The following IKZF4 variants were observed in gnomAD, a reference collection of about 807,000 sequenced individuals.
IKZF4 encodes zinc finger protein Eos.
A neutral mutation model predicts 47.7 loss-of-function variants in IKZF4; 11 were observed. The ratio of observed to expected loss-of-function variants is 0.23; its 90% CI spans 0.15 to 0.38. The LOEUF is 0.38. IKZF4 is among the 10% of genes least tolerant of loss of function. The pLI, the probability that IKZF4 is intolerant of heterozygous loss-of-function variation, is 1.00. For missense variants in IKZF4, 557 were observed against 784.9 expected (o/e 0.71, Z 3.47); for synonymous variants, 298 against 299.4 (o/e 1.00, Z 0.05).
chr12:56,032,802 G>A, intron 6 of IKZF4, 92 bp downstream of exon 6: 1 of 1,373,100 alleles, frequency 7.3e-7, no homozygotes, highest in Non-Finnish European at 1.0e-6. Context: ...CACACTGAGG[G>A]ATGAAGTCTG....
upstream of IKZF4, chr12:56,020,865 G>A: frequency 1.1e-6 from 1 of 924,432 alleles, no homozygotes; most frequent in Non-Finnish European, 1.3e-6. Flanking sequence ...GAGGGAAAGA[G>A]TTCGGTGGGG....
intron 7 of IKZF4, among the ~76,000 whole-genome samples, 156 bp from the exon 8 acceptor site, chr12:56,034,415 G>A (rs1216457021): frequency 6.6e-6 from 1 of 152,148 alleles, no homozygotes; most frequent in Non-Finnish European, 1.5e-5. Context: ...CTAGAGTCAG[G>A]GAGCAGTCCC....
chr12:56,029,297 G>A (rs183339590), intron 5 of IKZF4, among the ~76,000 whole-genome samples: 19 of 152,338 alleles, frequency 1.2e-4, no homozygotes, highest in African/African-American at 4.6e-4. Context: ...GTTTGAATCA[G>A]TATCTGTCTG....
Position 56,021,381 on chromosome 12 carries a change from C to G in IKZF4, c.-113C>G, listed in dbSNP as rs758058589. 1.9e-6 allele frequency: 3 copies of G among 1,548,336 alleles called. No homozygotes were observed. Among genetic ancestry groups the G allele is most frequent in the Non-Finnish European group, 1.7e-6 (2 of 1,146,882 alleles). On this transcript the variant is annotated 5_prime_UTR_variant, in exon 1 of 8. Coordinates refer to ENST00000547167, the MANE Select transcript of IKZF4 (RefSeq NM_022465.4). ...GCTGCAGCCGTGGGCCTCTGCTCAC[C>G]GTGCCGCTGCTGCTGCCTGCGAAAT...
chr12:56,034,910 G>A lies in IKZF4; in HGVS notation c.1337G>A (p.Gly446Glu). 1.9e-6 allele frequency: 3 copies of A among 1,600,034 alleles called. No individual in the cohort carries two copies. Among genetic ancestry groups the A allele is most frequent in the Non-Finnish European group, 8.5e-7 (1 of 1,171,438 alleles). The change falls in exon 8 of 8, where the codon GGG becomes GAG. Residue 446 changes from glycine (G) to glutamate (E), a missense_variant. Gly to Glu is a moderately conservative substitution (Grantham distance 98). Around this residue, in one of 6 missense-constraint regions of IKZF4, gnomAD observed 280 missense variants for 314.0 expected, o/e 0.89. Transcript: ENST00000547167. ...CCCCGAGGCCCCCTGACTGACCCTG[G>A]GGCATCCCCCAGCAATGGCTGCCAG... ...YRPRGPLTDP[G>E]ASPSNGCQDS...
In IKZF4 at chr12:56,027,938, A is replaced by G. The variant is rs1434100719; in HGVS notation, c.706A>G (p.Thr236Ala). Residue 236 changes from threonine (T) to alanine (A), a missense_variant, in exon 5 of 8, where the codon ACA becomes GCA. Physicochemically the swap from Thr to Ala is moderately conservative, Grantham distance 58 (BLOSUM62 0). This residue lies in a region of IKZF4 where 72 missense variants were observed against 112.4 expected (regional missense o/e 0.64). Transcript: ENST00000547167. Reference sequence around the variant, plus strand: ...TGATGCACTCACTGGTCACCTCCGCACACACTCAGGTCAGTGTCTGTCCAG... The same window carrying G: ...TGATGCACTCACTGGTCACCTCCGCGCACACTCAGGTCAGTGTCTGTCCAG... Reference protein sequence around the residue: ...RRDALTGHLRTHSVSSPTVGK... With the variant: ...RRDALTGHLRAHSVSSPTVGK... 1.3e-6 allele frequency: 2 copies of G among 1,569,016 alleles called. No homozygotes were observed. Among genetic ancestry groups the G allele is most frequent in the Non-Finnish European group, 8.6e-7 (1 of 1,157,454 alleles).
Position 56,036,066 on chromosome 12 carries a change from A to C in IKZF4, c.*735A>C, listed in dbSNP as rs1387888159. The C allele has an allele frequency of 6.6e-6, 1 of 152,646 alleles. No homozygotes were observed. Among genetic ancestry groups the C allele is most frequent in the African/African-American group, 2.4e-5 (1 of 41,448 alleles). 9.5% of individuals were successfully genotyped at this position (152,646 alleles called of 1,614,324 possible). A position where few individuals can be genotyped will look rare whatever the true frequency, so the allele number is the denominator to read the frequency against. ...AGTAATATGAGTTCTCAAAGCCTAC[A>C]TTCAGGATCTCCCTCTAGGATGTGA... On this transcript the variant is annotated 3_prime_UTR_variant, in exon 8 of 8. Transcript: ENST00000547167.
chr12:56,022,797 C>CTTTTTTT (rs34923817), intron 1 of IKZF4, among the ~76,000 whole-genome samples: 1 of 126,290 alleles, frequency 7.9e-6, no homozygotes, highest in African/African-American at 3.0e-5. Context: ...CTCAGTGTTT[C>CTTTTTTT]TTTTTTTTTT....
intron 2 of IKZF4, among the ~76,000 whole-genome samples, chr12:56,015,736 G>A (rs1689516): frequency 0.93 from 141,786 of 152,266 alleles, 66,833 homozygotes; most frequent in East Asian, 1. Flanking sequence ...AAGGGCAATT[G>A]TGAATCTAAT....
At chr12:56,024,437 CAACT>C in intron 2 of IKZF4, among the ~76,000 whole-genome samples, 1 of 152,296 alleles carries the variant, frequency 6.6e-6, no homozygotes, top group East Asian at 1.9e-4. Flanking sequence ...TAACCTTAGA[CAACT>C]AACATAACCT....
upstream of IKZF4, among the ~76,000 whole-genome samples, chr12:56,018,913 T>G (rs886218437): frequency 6.6e-6 from 1 of 150,952 alleles, no homozygotes; most frequent in East Asian, 1.9e-4. Flanking sequence ...TGAAACCCCC[T>G]CTCTACTAAA....
intron 7 of IKZF4, 70 bp from the exon 8 acceptor site, chr12:56,034,501 A>G (rs549492040): frequency 2.9e-4 from 431 of 1,473,688 alleles, no homozygotes; most frequent in Non-Finnish European, 3.7e-4. Flanking sequence ...GTAAAAAAAC[A>G]AAGAAGTAAT....
At chr12:56,025,007 A>G in intron 2 of IKZF4, 47 bp from the exon 3 acceptor site, 2 of 1,553,538 alleles carry the variant, frequency 1.3e-6, no homozygotes, top group South Asian at 1.2e-5. Context: ...TGGACAGTAG[A>G]TATCTCCAGC....
rs1895799292 is a variant in IKZF4 at position 56,038,423 on chromosome 12, G to GT, written c.*3093dup. On this transcript the variant is annotated 3_prime_UTR_variant, in exon 8 of 8. Coordinates refer to ENST00000547167, the MANE Select transcript of IKZF4 (RefSeq NM_022465.4). Reference sequence around the variant, plus strand: ...GAAAGTCTGTTATAAATAAACATGAGTAATTTAACACCTCTGGTTGTTTTT... The same window carrying GT: ...GAAAGTCTGTTATAAATAAACATGAGTTAATTTAACACCTCTGGTTGTTTTT... 1 of 152,640 alleles carries GT rather than the reference G, an allele frequency of 6.6e-6. No individual in the cohort carries two copies. Among genetic ancestry groups the GT allele is most frequent in the Admixed American group, 6.5e-5 (1 of 15,272 alleles). The allele number at this position is 152,640 out of a possible 1,614,324, so 9.5% of individuals were successfully genotyped here. A position where few individuals can be genotyped will look rare whatever the true frequency, so the allele number is the denominator to read the frequency against.
intron 2 of IKZF4, among the ~76,000 whole-genome samples, chr12:56,014,213 G>T (rs1450317424): frequency 1.3e-5 from 2 of 152,082 alleles, no homozygotes; most frequent in African/African-American, 4.8e-5. Flanking sequence ...CCAGCTGGAG[G>T]CAGCTAAGTA....
intron 1 of IKZF4, among the ~76,000 whole-genome samples, chr12:56,008,671 A>ATTTT (rs11456606): frequency 5.6e-5 from 7 of 124,564 alleles, no homozygotes; most frequent in Non-Finnish European, 1.1e-4. Context: ...CTTCCAGGAA[A>ATTTT]TTTTTTTTTT....
At chr12:56,016,836 C>T (rs995091593), upstream of IKZF4, among the ~76,000 whole-genome samples, 2 of 151,918 alleles carry the variant, frequency 1.3e-5, no homozygotes, top group Non-Finnish European at 2.9e-5. Context: ...TGAGGTGATC[C>T]GCCCGCCTCG....
At position 56,027,946 on chromosome 12, in the gene IKZF4, A is replaced by C; in HGVS notation, c.714A>C (p.Ser238=). ...TCACTGGTCACCTCCGCACACACTC[A>C]GGTCAGTGTCTGTCCAGTGGGAGGA... The part of the protein sequence containing the change: ...DALTGHLRTH[S]VSSPTVGKPY... Residue 238 remains serine, a splice_region_variant and synonymous_variant, in exon 5 of 8, where the codon TCA becomes TCC. Transcript: ENST00000547167. The C allele has an allele frequency of 6.4e-7, 1 of 1,558,670 alleles. No homozygotes were observed. The highest frequency in any genetic ancestry group is 8.7e-7 in the Non-Finnish European group (1 of 1,152,540).
intron 2 of IKZF4, among the ~76,000 whole-genome samples, chr12:56,015,311 G>A (rs1026741500): frequency 6.6e-6 from 1 of 151,398 alleles, no homozygotes; most frequent in Non-Finnish European, 1.5e-5. Context: ...TCCTGACCTC[G>A]TGATCCGCCC....
Sources: allele counts gnomAD v4.1 joint callset (sites outside exome capture counted in the v4.1 genomes callset), GRCh38; gene constraint gnomAD v4.1.1; regional missense constraint gnomAD v4.1.1; transcripts MANE v1.5; gene names NCBI Gene and HGNC (gene_info 2026-07-23, HGNC 2026-07-21).